ADGRL3: variants seen among roughly 807,000 people sequenced by gnomAD.
ADGRL3 encodes calcium-independent alpha-latrotoxin receptor 3.
ADGRL3 carries 62 observed loss-of-function variants against 153.5 expected under a neutral mutation model. That is an observed-to-expected ratio of 0.40 (90% CI 0.33 to 0.50). The LOEUF (loss-of-function observed/expected upper bound fraction) is 0.50, where lower values mean the gene tolerates loss of function less well. Ranked by LOEUF, ADGRL3 falls within the 20% of genes least tolerant of loss-of-function variation. ADGRL3 has a pLI of 0.47. For synonymous variants in ADGRL3, 710 were observed against 672.5 expected (o/e 1.06, Z -0.86); for missense variants, 1,641 against 1,859.4 (o/e 0.88, Z 2.16).
intron 1 of ADGRL3, among the ~76,000 whole-genome samples, chr4:61,280,194 C>A (rs1224222783): frequency 6.7e-6 from 1 of 149,342 alleles, no homozygotes; most frequent in Non-Finnish European, 1.5e-5. Flanking sequence ...ACTGCAACCT[C>A]CACCTTCCAG....
chr4:62,039,741 C>T (rs1171550671), intron 24 of ADGRL3, among the ~76,000 whole-genome samples: 1 of 152,102 alleles, frequency 6.6e-6, no homozygotes, highest in Non-Finnish European at 1.5e-5. Context: ...TTTTCAGACT[C>T]ATAATCCCTT....
At chr4:61,571,284 G>A (rs1369403569) in intron 4 of ADGRL3, among the ~76,000 whole-genome samples, 2 of 150,780 alleles carry the variant, frequency 1.3e-5, no homozygotes, top group Non-Finnish European at 2.9e-5. Context: ...AGACTAGCCT[G>A]CACAACATGA....
At chr4:61,961,087 G>C (rs1187258558) in intron 17 of ADGRL3, among the ~76,000 whole-genome samples, 1 of 152,038 alleles carries the variant, frequency 6.6e-6, no homozygotes, top group East Asian at 1.9e-4. Flanking sequence ...AGATCAGTTA[G>C]CATATTCACC....
chr4:61,884,785 C>T (rs1245519339), intron 9 of ADGRL3, among the ~76,000 whole-genome samples: 1 of 151,544 alleles, frequency 6.6e-6, no homozygotes, highest in African/African-American at 2.4e-5. Flanking sequence ...CCACCACGCC[C>T]GGCTAATTTT....
chr4:61,660,460 T>A (rs1174145001), intron 5 of ADGRL3, among the ~76,000 whole-genome samples: 2 of 152,144 alleles, frequency 1.3e-5, no homozygotes, highest in East Asian at 1.9e-4. Context: ...CTTTTTTAAA[T>A]CTATTTTAAA....
intron 4 of ADGRL3, among the ~76,000 whole-genome samples, chr4:61,585,643 A>G (rs1406515778): frequency 1.3e-5 from 2 of 152,064 alleles, no homozygotes; most frequent in East Asian, 1.9e-4. Flanking sequence ...GTGGAAATCA[A>G]CTTATTTGAC....
intron 2 of ADGRL3, among the ~76,000 whole-genome samples, chr4:61,465,086 A>C: frequency 6.6e-6 from 1 of 152,222 alleles, no homozygotes; most frequent in East Asian, 1.9e-4. Context: ...AATAAATTTA[A>C]GTGAATTTAA....
At chr4:61,955,599 A>G (rs990032633) in intron 17 of ADGRL3, among the ~76,000 whole-genome samples, 8 of 152,054 alleles carry the variant, frequency 5.3e-5, no homozygotes, top group Admixed American at 5.3e-4. Context: ...AAGTTCCAGG[A>G]TACATGTGCA....
intron 8 of ADGRL3, among the ~76,000 whole-genome samples, chr4:61,746,620 C>T (rs982106508): frequency 4.3e-4 from 66 of 152,102 alleles, no homozygotes; most frequent in Non-Finnish European, 8.1e-4. Context: ...GGGTACATAA[C>T]GAAATGAAGG....
At chr4:61,708,542 A>C (rs2095897551) in intron 6 of ADGRL3, among the ~76,000 whole-genome samples, 1 of 150,620 alleles carries the variant, frequency 6.6e-6, no homozygotes, top group Admixed American at 6.6e-5. Flanking sequence ...TGGATGATTT[A>C]TTTTTTTTCC....
At chr4:61,960,258 G>T (rs1244091268) in intron 17 of ADGRL3, among the ~76,000 whole-genome samples, 1 of 152,088 alleles carries the variant, frequency 6.6e-6, no homozygotes, top group Non-Finnish European at 1.5e-5. Flanking sequence ...TTGTGTCCAA[G>T]TTCAGTATTA....
intron 9 of ADGRL3, among the ~76,000 whole-genome samples, chr4:61,857,031 T>TA (rs2098281811): frequency 6.8e-6 from 1 of 148,018 alleles, no homozygotes; most frequent in Non-Finnish European, 1.5e-5. Flanking sequence ...CTCCCTTCCT[T>TA]CCTTCCTTCC....
intron 5 of ADGRL3, among the ~76,000 whole-genome samples, chr4:61,634,362 C>A (rs2093323932): frequency 6.6e-6 from 1 of 152,118 alleles, no homozygotes; most frequent in Non-Finnish European, 1.5e-5. Flanking sequence ...TTAAATTCAT[C>A]CATTGCAAGC....
At chr4:61,464,474 A>G (rs2097857244) in intron 2 of ADGRL3, among the ~76,000 whole-genome samples, 1 of 152,076 alleles carries the variant, frequency 6.6e-6, no homozygotes, top group African/African-American at 2.4e-5. Context: ...TTTGATCTGT[A>G]TTGTTTCTTT....
chr4:61,822,971 G>A (rs1286607007), intron 9 of ADGRL3, among the ~76,000 whole-genome samples: 2 of 152,100 alleles, frequency 1.3e-5, no homozygotes, highest in Non-Finnish European at 2.9e-5. Flanking sequence ...GTGGCTCCCC[G>A]ATGTTGATTC....
chr4:61,347,612 G>A (rs1413846152), intron 1 of ADGRL3, among the ~76,000 whole-genome samples: 3 of 152,088 alleles, frequency 2.0e-5, no homozygotes, highest in African/African-American at 4.8e-5. Context: ...TCAAATGAAA[G>A]GGTCTATCAC....
At chr4:61,784,721 A>G (rs2097257397) in intron 8 of ADGRL3, among the ~76,000 whole-genome samples, 2 of 152,146 alleles carry the variant, frequency 1.3e-5, no homozygotes, top group African/African-American at 4.8e-5. Flanking sequence ...TTTAGGAAGA[A>G]TGTCAAAATG....
At chr4:61,399,045 A>C (rs1201216692) in intron 2 of ADGRL3, among the ~76,000 whole-genome samples, 1 of 151,738 alleles carries the variant, frequency 6.6e-6, no homozygotes, top group African/African-American at 2.4e-5. Flanking sequence ...TTAGAAATTA[A>C]AGTCCTGAAT....
intron 25 of ADGRL3, among the ~76,000 whole-genome samples, chr4:62,051,738 A>G (rs1020758714): frequency 6.6e-6 from 1 of 151,752 alleles, no homozygotes; most frequent in Non-Finnish European, 1.5e-5. Flanking sequence ...TTATTACGTT[A>G]TTACCTCACA....
Sources: allele counts gnomAD v4.1 joint callset (sites outside exome capture counted in the v4.1 genomes callset), GRCh38; gene constraint gnomAD v4.1.1; transcripts MANE v1.5; gene names NCBI Gene and HGNC (gene_info 2026-07-23, HGNC 2026-07-21).